Variants in CDKL2 observed in about 807,000 individuals in gnomAD.
The protein encoded by CDKL2 is cyclin dependent kinase like 2, also known as cyclin-dependent kinase-like 2.
CDKL2 carries 64 observed loss-of-function variants against 63.9 expected under a neutral mutation model. The observed-to-expected ratio is 1.00, with a 90% CI of 0.82 to 1.23. The LOEUF is 1.23. CDKL2 is among the 50% of genes most tolerant of loss of function. The pLI, the probability that CDKL2 is intolerant of heterozygous loss-of-function variation, is 0.00. For missense variants in CDKL2, 656 were observed against 668.0 expected (o/e 0.98, Z 0.20); for synonymous variants, 211 against 229.2 (o/e 0.92, Z 0.72).
intron 3 of CDKL2, among the ~76,000 whole-genome samples, chr4:75,609,607 AT>A (rs1350859582): frequency 9.5e-5 from 14 of 148,090 alleles, no homozygotes; most frequent in Non-Finnish European, 1.5e-4. Flanking sequence ...ATCTCAAAAA[AT>A]ATATATATAA....
intron 3 of CDKL2, among the ~76,000 whole-genome samples, chr4:75,609,041 CGTAGATATTTT>C (rs1466104134): frequency 6.0e-5 from 9 of 150,666 alleles, no homozygotes; most frequent in Admixed American, 2.6e-4. Flanking sequence ...TTAGAAGAGT[CGTAGATATTTT>C]GTAGATATTT....
chr4:75,606,775 C>T (rs1729441145), intron 4 of CDKL2, among the ~76,000 whole-genome samples: 1 of 152,152 alleles, frequency 6.6e-6, no homozygotes, highest in African/African-American at 2.4e-5. Flanking sequence ...AAAGTTACAA[C>T]CCTTTCTTCT....
rs867910022 is a variant in CDKL2, at chr4:75,582,013, C to T, written c.1648-115G>A. The T allele has an allele frequency of 3.9e-5, 26 of 672,926 alleles. No individual in the cohort carries two copies. The Middle Eastern group carries it at 2.0e-3, about 53-fold the overall frequency. The allele number at this position is 672,926 out of a possible 1,614,324, so 41.7% of individuals were successfully genotyped here. ...GATGTTTATAATTAACTATTCATAG[C>T]TCAAGTTGCCTACATGGAAAAGAAT... On this transcript the variant is annotated intron_variant, in intron 12 of 13. Transcript: ENST00000307465.
chr4:75,609,177 G>A (rs1303635101), intron 3 of CDKL2, among the ~76,000 whole-genome samples: 1 of 152,120 alleles, frequency 6.6e-6, no homozygotes, highest in Non-Finnish European at 1.5e-5. Flanking sequence ...GGACTTTTGG[G>A]TGGAATGCTG....
intron 10 of CDKL2, 38 bp from the exon 11 acceptor site, chr4:75,592,307 T>G: frequency 6.7e-7 from 1 of 1,486,952 alleles, no homozygotes; most frequent in African/African-American, 1.4e-5. Context: ...AAGAATTAGT[T>G]TCAAGGTTAG....
chr4:75,628,736 C>T (rs948330797), intron 1 of CDKL2, among the ~76,000 whole-genome samples: 4 of 152,172 alleles, frequency 2.6e-5, no homozygotes, highest in African/African-American at 9.7e-5. Flanking sequence ...TCTATTGGAA[C>T]AGTGATGCAA....
At chr4:75,618,236 A>ATTTTTT (rs1409458579) in intron 2 of CDKL2, among the ~76,000 whole-genome samples, 1 of 72,114 alleles carries the variant, frequency 1.4e-5, no homozygotes, top group Non-Finnish European at 2.7e-5. Flanking sequence ...CCAATTGAAA[A>ATTTTTT]TTCTTTTTTT....
chr4:75,615,227 T>C (rs932249645), intron 2 of CDKL2, among the ~76,000 whole-genome samples: 1 of 152,178 alleles, frequency 6.6e-6, no homozygotes, highest in Admixed American at 6.6e-5. Context: ...TGAATTATGG[T>C]AAATTCCTGC....
chr4:75,605,778 T>A, intron 4 of CDKL2, 144 bp from the exon 5 acceptor site: 1 of 570,666 alleles, frequency 1.8e-6, no homozygotes, highest in East Asian at 3.0e-5. Flanking sequence ...CATGCTCCAA[T>A]GGTATAATGC....
chr4:75,619,732 C>T (rs1439514487), intron 2 of CDKL2, among the ~76,000 whole-genome samples: 2 of 151,916 alleles, frequency 1.3e-5, no homozygotes, highest in Non-Finnish European at 2.9e-5. Context: ...TTTACAGAGT[C>T]CAGTTCTAAT....
chr4:75,608,110 CG>C (rs1729507769), intron 3 of CDKL2, among the ~76,000 whole-genome samples: 1 of 129,600 alleles, frequency 7.7e-6, no homozygotes, highest in African/African-American at 2.9e-5. Flanking sequence ...CCACCGCGCC[CG>C]GGCCAAAAAC....
At chr4:75,586,031 T>C (rs1215969044) in intron 12 of CDKL2, among the ~76,000 whole-genome samples, 1 of 152,142 alleles carries the variant, frequency 6.6e-6, no homozygotes, top group East Asian at 1.9e-4. Flanking sequence ...CCATAAAACA[T>C]GTCTCATTGA....
At chr4:75,614,774 C>A (rs3796488) in intron 2 of CDKL2, among the ~76,000 whole-genome samples, 132,759 of 151,606 alleles carry the variant, frequency 0.88, 58,147 homozygotes, top group East Asian at 0.92. Flanking sequence ...AATCTAATCA[C>A]GGTCAAACAG....
At chr4:75,611,137 G>A (rs1204547292) in intron 3 of CDKL2, among the ~76,000 whole-genome samples, 3 of 152,128 alleles carry the variant, frequency 2.0e-5, no homozygotes, top group Non-Finnish European at 4.4e-5. Context: ...AAGAAAGAGG[G>A]TAAGAAATCA....
chr4:75,589,529 C>T (rs1002617619), intron 12 of CDKL2, among the ~76,000 whole-genome samples: 2 of 151,576 alleles, frequency 1.3e-5, no homozygotes, highest in Non-Finnish European at 2.9e-5. Flanking sequence ...TGGTCTCGAT[C>T]TCCTGACCTC....
intron 12 of CDKL2, among the ~76,000 whole-genome samples, chr4:75,585,350 A>G (rs959023273): frequency 5.3e-5 from 8 of 151,872 alleles, no homozygotes; most frequent in African/African-American, 1.9e-4. Flanking sequence ...GCTCAGGAGG[A>G]GGTCAGGAGT....
chr4:75,605,411 T>G, intron 5 of CDKL2, 111 bp downstream of exon 5: 1 of 650,548 alleles, frequency 1.5e-6, no homozygotes, highest in Non-Finnish European at 2.7e-6. Flanking sequence ...CTACCTTCAC[T>G]TAAAACATAT....
At chr4:75,609,951 C>G (rs1210974971) in intron 3 of CDKL2, among the ~76,000 whole-genome samples, 1 of 151,754 alleles carries the variant, frequency 6.6e-6, no homozygotes, top group South Asian at 2.1e-4. Flanking sequence ...CACCTGTAAT[C>G]CCAGCACTTT....
intron 2 of CDKL2, among the ~76,000 whole-genome samples, chr4:75,623,804 C>T (rs939369073): frequency 4.6e-5 from 7 of 152,102 alleles, no homozygotes; most frequent in East Asian, 1.9e-4. Flanking sequence ...TATAACTATA[C>T]GGTTTTCACA....
Sources: gnomAD v4.1 joint callset for allele counts (sites outside exome capture counted in the v4.1 genomes callset) on GRCh38, gnomAD v4.1.1 for gene constraint, MANE v1.5 for transcripts, NCBI Gene and HGNC (gene_info 2026-07-23, HGNC 2026-07-21) for gene names.